The following UGT1A9 variants were observed in gnomAD, a reference collection of about 807,000 sequenced individuals.
UGT1A9 encodes UDP glucuronosyltransferase family 1 member A9.
In UGT1A9, 35 loss-of-function variants were observed where a neutral mutation model predicts 45.0. The observed-to-expected ratio is 0.78, with a 90% CI of 0.59 to 1.03. UGT1A9 has a LOEUF of 1.03. Ranked by LOEUF, UGT1A9 falls within the 50% of genes least tolerant of loss-of-function variation. The pLI, the probability that UGT1A9 is intolerant of heterozygous loss-of-function variation, is 0.00. For missense variants in UGT1A9, 687 were observed against 666.6 expected (o/e 1.03, Z -0.34); for synonymous variants, 278 against 250.6 (o/e 1.11, Z -1.03).
chr2:233,677,495 A>G (rs1201804593), intron 1 of UGT1A9, among the ~76,000 whole-genome samples: 2 of 152,220 alleles, frequency 1.3e-5, no homozygotes. Flanking sequence ...TTTGTATGTT[A>G]TTAGTATTAT....
intron 1 of UGT1A9, among the ~76,000 whole-genome samples, chr2:233,707,503 C>T (rs2075965043): frequency 6.7e-6 from 1 of 148,792 alleles, no homozygotes; most frequent in Non-Finnish European, 1.5e-5. Flanking sequence ...CGGTACTTAA[C>T]ATAAATAGAA....
intron 1 of UGT1A9, among the ~76,000 whole-genome samples, chr2:233,684,532 A>G (rs1001886486): frequency 6.6e-6 from 1 of 152,196 alleles, no homozygotes. Context: ...ATGATTCTAT[A>G]CCACCTATAA....
chr2:233,725,184 GCAGA>G (rs1559370234), intron 1 of UGT1A9, among the ~76,000 whole-genome samples: 5 of 89,376 alleles, frequency 5.6e-5, no homozygotes, highest in African/African-American at 1.7e-4. Flanking sequence ...GTGGGGAGAG[GCAGA>G]GGCAGAGGCA....
intron 1 of UGT1A9, among the ~76,000 whole-genome samples, chr2:233,705,018 C>A (rs1470386636): frequency 6.6e-6 from 1 of 151,992 alleles, no homozygotes. Flanking sequence ...CGCCTGTAAT[C>A]CCAGCTACTC....
At chr2:233,709,744 TAAAC>T (rs1311718504) in intron 1 of UGT1A9, among the ~76,000 whole-genome samples, 1 of 152,218 alleles carries the variant, frequency 6.6e-6, no homozygotes, top group Non-Finnish European at 1.5e-5. Context: ...ACTACTAAAA[TAAAC>T]ATTATTGGAG....
chr2:233,688,641 G>A (rs941155352), intron 1 of UGT1A9, among the ~76,000 whole-genome samples: 2 of 152,082 alleles, frequency 1.3e-5, no homozygotes, highest in Admixed American at 1.3e-4. Context: ...GTTTTTGTTG[G>A]TGTTACAGAA....
At position 233,769,882 on chromosome 2, in the gene UGT1A9, TC is replaced by T; in HGVS notation, c.1295+1445del. On this transcript the variant is annotated intron_variant, in intron 4 of 4. Transcript: ENST00000354728. This position sits in a 1 kb window ranked among gnomAD's most constrained non-coding sequence, Gnocchi z 4.4. The stretch of plus-strand genomic sequence containing the variant: ...CAAAAAAAAAAAAAAAAATGAAAAG[TC>T]CACATAACCTGAGCATCATGTGCCC... 1 of 408,610 alleles carries T rather than the reference TC, an allele frequency of 2.4e-6. No homozygotes were observed. Among genetic ancestry groups the T allele is most frequent in the Non-Finnish European group, 4.3e-6 (1 of 234,370 alleles). 25.3% of individuals were successfully genotyped at this position (408,610 alleles called of 1,614,324 possible).
At chr2:233,738,656 G>A (rs1275233800) in intron 1 of UGT1A9, among the ~76,000 whole-genome samples, 1 of 152,108 alleles carries the variant, frequency 6.6e-6, no homozygotes, top group Non-Finnish European at 1.5e-5. Context: ...TTGGAACTAC[G>A]AACTTGAGAG....
In UGT1A9 at chr2:233,672,219, T is replaced by C. The variant is rs536086355; in HGVS notation, c.285T>C (p.His95=). 4 of 1,614,188 alleles carry C rather than the reference T, an allele frequency of 2.5e-6. No homozygotes were observed. The highest frequency in any genetic ancestry group is 1.3e-5 in the African/African-American group (1 of 75,076). The change falls in exon 1 of 5, where the codon CAT becomes CAC. Residue 95 remains histidine (H), a synonymous_variant. Coordinates refer to ENST00000354728, the MANE Select transcript of UGT1A9 (RefSeq NM_021027.3). ...DLDREFKAFA[H]AQWKAQVRSI... is the part of the protein sequence containing the mutation. ...ACCGGGAGTTCAAGGCTTTTGCCCA[T>C]GCTCAATGGAAAGCACAAGTACGAA...
chr2:233,732,066 G>A (rs1295393018), intron 1 of UGT1A9, among the ~76,000 whole-genome samples: 2 of 152,128 alleles, frequency 1.3e-5, no homozygotes, highest in African/African-American at 4.8e-5. Flanking sequence ...TGTGTCTGTT[G>A]GCTGCATAAA....
intron 1 of UGT1A9, among the ~76,000 whole-genome samples, chr2:233,716,765 C>T (rs542066726): frequency 6.6e-6 from 1 of 152,294 alleles, no homozygotes; most frequent in African/African-American, 2.4e-5. Context: ...AGCTAGATCA[C>T]TCAGGTCAGG....
At chr2:233,680,794 A>G (rs2074498937) in intron 1 of UGT1A9, among the ~76,000 whole-genome samples, 1 of 152,178 alleles carries the variant, frequency 6.6e-6, no homozygotes, top group Non-Finnish European at 1.5e-5. Flanking sequence ...GGGTGGGCCC[A>G]TAGCAAAGGC....
intron 1 of UGT1A9, chr2:233,741,756 G>A (rs1189560156): frequency 1.3e-5 from 2 of 151,848 alleles, no homozygotes; most frequent in Non-Finnish European, 2.9e-5. Context: ...GTTGGTTAAT[G>A]ATGTGTTCAG....
At chr2:233,760,733 T>G in intron 1 of UGT1A9, 1 of 1,614,214 alleles carries the variant, frequency 6.2e-7, no homozygotes, top group South Asian at 1.1e-5. Context: ...GATGTCATGC[T>G]GACGGACCCT....
intron 1 of UGT1A9, among the ~76,000 whole-genome samples, chr2:233,696,184 T>G (rs2075330442): frequency 6.6e-6 from 1 of 152,222 alleles, no homozygotes. Flanking sequence ...ATTGAAGAGC[T>G]ATCTGCACTC....
intron 1 of UGT1A9, chr2:233,748,207 C>G (rs1467291155): frequency 6.6e-7 from 1 of 1,505,266 alleles, no homozygotes; most frequent in African/African-American, 1.4e-5. Context: ...TCGTAATAGC[C>G]TTCAGTGAGA....
intron 1 of UGT1A9, among the ~76,000 whole-genome samples, chr2:233,736,484 A>T (rs1388526766): frequency 6.6e-6 from 1 of 152,156 alleles, no homozygotes; most frequent in Admixed American, 6.5e-5. Context: ...GAGGTTTGTT[A>T]CTACCAAACT....
chr2:233,722,534 T>C (rs2077021206), intron 1 of UGT1A9, among the ~76,000 whole-genome samples: 1 of 152,230 alleles, frequency 6.6e-6, no homozygotes, highest in Admixed American at 6.5e-5. Context: ...CTTAATGATT[T>C]CATCCTAGTT....
At chr2:233,747,861 C>G (rs1332283136) in intron 1 of UGT1A9, 2 of 1,613,322 alleles carry the variant, frequency 1.2e-6, no homozygotes, top group African/African-American at 2.7e-5. Context: ...CATGCTCTAC[C>G]CTCTGGCCCT....
Sources: allele counts gnomAD v4.1 joint callset (sites outside exome capture counted in the v4.1 genomes callset), GRCh38; gene constraint gnomAD v4.1.1; non-coding constraint Gnocchi (gnomAD v3.1); transcripts MANE v1.5; gene names NCBI Gene and HGNC (gene_info 2026-07-23, HGNC 2026-07-21).